Variants in NELL1 observed in about 807,000 individuals in gnomAD.
The protein encoded by NELL1 is protein kinase C-binding protein NELL1.
Under a neutral mutation model 107.4 loss-of-function variants are expected in NELL1, and 76 were observed. The observed-to-expected ratio is 0.71, with a 90% confidence interval of 0.59 to 0.86. The LOEUF (loss-of-function observed/expected upper bound fraction) is 0.86. NELL1 is among the 40% of genes least tolerant of loss of function. The probability of loss-of-function intolerance (pLI) is 0.00; values close to 1 mark genes in which losing one functional copy is unlikely to be tolerated. For missense variants in NELL1, 1,024 were observed against 1,005.5 expected, an observed-to-expected ratio of 1.02 and a Z score of -0.25; for synonymous variants, 353 against 341.2, an observed-to-expected ratio of 1.03 and a Z score of -0.38.
Position 21,316,775 on chromosome 11 carries a change from C to G in NELL1, c.1550-54078C>G, listed in dbSNP as rs557007516. On this transcript the variant is annotated intron_variant, in intron 14 of 19. Transcript: ENST00000357134. Reference sequence around the variant, plus strand: ...CTCAGGAAAAATGCTGGCAGCTGCTCCTCACTGACAGCAAAGAGAATGATG... The same window carrying G: ...CTCAGGAAAAATGCTGGCAGCTGCTGCTCACTGACAGCAAAGAGAATGATG... 3.3e-5 allele frequency among the ~76,000 whole-genome samples: 5 copies of G among 152,208 alleles called. No homozygotes were observed. The East Asian group carries it at 7.7e-4, about 24-fold the overall frequency.
chr11:21,103,010 T>C (rs1464313071), intron 12 of NELL1, among the ~76,000 whole-genome samples: 2 of 152,190 alleles, frequency 1.3e-5, no homozygotes, highest in Non-Finnish European at 2.9e-5. Context: ...AAGGACTCTC[T>C]ACATGGCGAA....
At chr11:21,559,493 G>GGCT (rs1308273800) in intron 16 of NELL1, among the ~76,000 whole-genome samples, 1 of 152,004 alleles carries the variant, frequency 6.6e-6, no homozygotes, top group Non-Finnish European at 1.5e-5. Flanking sequence ...TTCCATTGTT[G>GGCT]GCTGTCAATA....
intron 14 of NELL1, among the ~76,000 whole-genome samples, chr11:21,246,664 A>G (rs981485685): frequency 3.3e-5 from 5 of 152,192 alleles, no homozygotes; most frequent in East Asian, 3.9e-4. Flanking sequence ...TTATAACACA[A>G]TGGTAATATT....
At chr11:20,727,349 G>T (rs1006758505) in intron 2 of NELL1, among the ~76,000 whole-genome samples, 8 of 152,208 alleles carry the variant, frequency 5.3e-5, no homozygotes, top group Non-Finnish European at 1.2e-4. Flanking sequence ...GATTGCCAGT[G>T]ATGATGAGCA....
intron 12 of NELL1, among the ~76,000 whole-genome samples, chr11:21,033,779 A>C (rs1170128766): frequency 6.6e-6 from 1 of 152,092 alleles, no homozygotes; most frequent in Non-Finnish European, 1.5e-5. Context: ...GCTGGGTCGA[A>C]TGGTATTTCT....
intron 5 of NELL1, among the ~76,000 whole-genome samples, chr11:20,915,189 C>A (rs1405890938): frequency 6.6e-6 from 1 of 151,884 alleles, no homozygotes; most frequent in Non-Finnish European, 1.5e-5. Flanking sequence ...AGATTTTACT[C>A]TATTTATATA....
intron 12 of NELL1, among the ~76,000 whole-genome samples, chr11:21,084,794 C>T (rs12291976): frequency 0.013 from 1,946 of 152,280 alleles, 42 homozygotes; most frequent in African/African-American, 0.045. Context: ...GTTGGGAGAG[C>T]TTAGTGGCAA....
intron 15 of NELL1, among the ~76,000 whole-genome samples, chr11:21,492,149 C>T (rs1219883313): frequency 6.6e-6 from 1 of 152,142 alleles, no homozygotes; most frequent in Non-Finnish European, 1.5e-5. Flanking sequence ...AAAAAATGCT[C>T]ACCATCACTG....
chr11:21,384,724 A>T (rs1851699391), intron 15 of NELL1, among the ~76,000 whole-genome samples: 1 of 151,796 alleles, frequency 6.6e-6, no homozygotes, highest in African/African-American at 2.4e-5. Context: ...GCGATAGTTT[A>T]CTGAGAATGA....
chr11:20,937,260 A>G (rs960181339), intron 9 of NELL1, among the ~76,000 whole-genome samples: 3 of 152,152 alleles, frequency 2.0e-5, no homozygotes, highest in African/African-American at 7.2e-5. Context: ...TAGTGCATTG[A>G]TCTAGCACTT....
At position 21,187,913 on chromosome 11, in the gene NELL1, AATCTT is replaced by A. The variant is rs1390422139; in HGVS notation, c.1427-41414_1427-41410del. On this transcript the variant is annotated intron_variant, in intron 13 of 19. Transcript: ENST00000357134. The stretch of plus-strand genomic sequence containing the variant: ...ACTTTAGTAGATGTATAAACTTGGA[AATCTT>A]ATCTGACTTTTAGAACCTCAATTTC... 7.2e-5 allele frequency among the ~76,000 whole-genome samples: 11 copies of A among 152,006 alleles called. No homozygotes were observed. In the East Asian group the frequency reaches 1.7e-3, roughly 24 times the overall value.
At chr11:21,194,552 CT>C (rs1857112831) in intron 13 of NELL1, among the ~76,000 whole-genome samples, 1 of 152,072 alleles carries the variant, frequency 6.6e-6, no homozygotes, top group Non-Finnish European at 1.5e-5. Context: ...GCCAAGAAGA[CT>C]GGGGTGCTAG....
At chr11:20,888,240 T>C (rs1849549138) in intron 5 of NELL1, among the ~76,000 whole-genome samples, 1 of 151,896 alleles carries the variant, frequency 6.6e-6, no homozygotes. Flanking sequence ...GCTTCAGAGA[T>C]AAAGAGAAGA....
intron 12 of NELL1, among the ~76,000 whole-genome samples, chr11:20,975,242 C>A (rs1355526928): frequency 1.3e-5 from 2 of 151,898 alleles, no homozygotes; most frequent in Non-Finnish European, 2.9e-5. Flanking sequence ...TCTCGAACTC[C>A]TGACCTCACA....
In NELL1 at chr11:20,705,230, G is replaced by A. The variant is rs187339287; in HGVS notation, c.184+27170G>A. ...GTCAATCCTAAGCCAAAAGAACAAA[G>A]CTGGATGCATCACGCTACCTGACTT... On this transcript the variant is annotated intron_variant, in intron 2 of 19. Transcript: ENST00000357134. 1.6e-3 allele frequency among the ~76,000 whole-genome samples: 240 copies of A among 152,240 alleles called. 5 individuals are homozygous for A. In the East Asian group the frequency reaches 0.039, roughly 25 times the overall value.
intron 13 of NELL1, among the ~76,000 whole-genome samples, chr11:21,179,584 C>T (rs1439319582): frequency 2.0e-5 from 3 of 151,816 alleles, no homozygotes; most frequent in Non-Finnish European, 4.4e-5. Flanking sequence ...TAAGTCTTTG[C>T]TTATGTCAAA....
At chr11:21,347,685 T>C (rs1294872128) in intron 14 of NELL1, among the ~76,000 whole-genome samples, 1 of 152,208 alleles carries the variant, frequency 6.6e-6, no homozygotes, top group Non-Finnish European at 1.5e-5. Context: ...TTCAATTTTA[T>C]CTTTTAACAA....
intron 15 of NELL1, among the ~76,000 whole-genome samples, chr11:21,448,078 T>A (rs187639179): frequency 5.9e-5 from 9 of 152,348 alleles, no homozygotes; most frequent in Non-Finnish European, 8.8e-5. Flanking sequence ...AGGGAGTTGA[T>A]GAGTGGAGGC....
intron 12 of NELL1, among the ~76,000 whole-genome samples, chr11:21,018,740 G>A (rs910713455): frequency 2.6e-5 from 4 of 152,078 alleles, no homozygotes; most frequent in African/African-American, 9.7e-5. Flanking sequence ...TATATTTTCA[G>A]TGATTGTTCA....
Sources: allele counts gnomAD v4.1 joint callset (sites outside exome capture counted in the v4.1 genomes callset), GRCh38; gene constraint gnomAD v4.1.1; transcripts MANE v1.5; gene names NCBI Gene and HGNC (gene_info 2026-07-23, HGNC 2026-07-21).